Variants in CTNNA3 observed in about 807,000 individuals in gnomAD.
CTNNA3 encodes catenin alpha 3.
CTNNA3 carries 76 observed loss-of-function variants against 95.7 expected under a neutral mutation model. The observed-to-expected ratio is 0.79, with a 90% CI of 0.66 to 0.96. CTNNA3 has a LOEUF of 0.96. CTNNA3 is among the 40% of genes least tolerant of loss of function. CTNNA3 has a pLI of 0.00. For missense variants in CTNNA3, 1,191 were observed against 1,089.8 expected (o/e 1.09, Z -1.31); for synonymous variants, 431 against 374.4 (o/e 1.15, Z -1.74).
intron 7 of CTNNA3, among the ~76,000 whole-genome samples, chr10:66,878,461 C>G (rs1844713761): frequency 6.6e-6 from 1 of 152,108 alleles, no homozygotes; most frequent in Non-Finnish European, 1.5e-5. Flanking sequence ...GTATTCACAA[C>G]AAATTAAATT....
chr10:67,358,203 CTT>C (rs1167694930), intron 5 of CTNNA3, among the ~76,000 whole-genome samples: 1 of 152,012 alleles, frequency 6.6e-6, no homozygotes, highest in Non-Finnish European at 1.5e-5. Context: ...AGAAGAAAAT[CTT>C]AGTGATGTTG....
chr10:66,337,351 T>C (rs913346166), intron 12 of CTNNA3, among the ~76,000 whole-genome samples: 3 of 152,108 alleles, frequency 2.0e-5, no homozygotes, highest in Non-Finnish European at 4.4e-5. Context: ...TAAGTACAGA[T>C]ACACTTATTT....
chr10:66,307,593 T>C (rs1356342242), intron 12 of CTNNA3, among the ~76,000 whole-genome samples: 1 of 152,212 alleles, frequency 6.6e-6, no homozygotes, highest in African/African-American at 2.4e-5. Flanking sequence ...CTAGCTGTTT[T>C]TTTAAATTGA....
intron 7 of CTNNA3, among the ~76,000 whole-genome samples, chr10:66,817,921 C>T (rs1842151990): frequency 6.6e-6 from 1 of 151,746 alleles, no homozygotes; most frequent in Non-Finnish European, 1.5e-5. Flanking sequence ...TTTCCAGAAA[C>T]ACACAAAAAG....
intron 7 of CTNNA3, among the ~76,000 whole-genome samples, chr10:66,905,256 A>C (rs7918371): frequency 0.32 from 48,602 of 152,066 alleles, 9,123 homozygotes; most frequent in East Asian, 0.47. Context: ...CATTCTCAGC[A>C]AACTATCACA....
chr10:67,068,058 G>A (rs1330452712), intron 7 of CTNNA3, among the ~76,000 whole-genome samples: 1 of 152,128 alleles, frequency 6.6e-6, no homozygotes, highest in Non-Finnish European at 1.5e-5. Flanking sequence ...ATAAATGCCG[G>A]GTTCATTGTG....
chr10:65,931,324 T>C (rs1427235423), intron 17 of CTNNA3, among the ~76,000 whole-genome samples: 1 of 152,220 alleles, frequency 6.6e-6, no homozygotes, highest in Non-Finnish European at 1.5e-5. Flanking sequence ...GGCACTGCCA[T>C]AGCGCCTTGC....
chr10:67,609,182 A>T (rs1843378106), intron 2 of CTNNA3, among the ~76,000 whole-genome samples: 1 of 152,056 alleles, frequency 6.6e-6, no homozygotes, highest in African/African-American at 2.4e-5. Context: ...ACAAAGCTTT[A>T]AAATCACCAT....
chr10:66,182,921 G>A (rs901160133), intron 13 of CTNNA3, among the ~76,000 whole-genome samples: 2 of 152,114 alleles, frequency 1.3e-5, no homozygotes, highest in Non-Finnish European at 2.9e-5. Context: ...TTAAATGTGC[G>A]TTTTCTTTAA....
At chr10:66,960,756 A>C (rs1030266256) in intron 7 of CTNNA3, among the ~76,000 whole-genome samples, 3 of 152,176 alleles carry the variant, frequency 2.0e-5, no homozygotes, top group African/African-American at 7.2e-5. Context: ...ATGGCATAGG[A>C]TCTATGGTGG....
chr10:66,651,322 T>C (rs973666979), intron 9 of CTNNA3, among the ~76,000 whole-genome samples: 1 of 152,126 alleles, frequency 6.6e-6, no homozygotes, highest in Admixed American at 6.5e-5. Flanking sequence ...AGAGTGCTGA[T>C]TGGGTGCATA....
At chr10:66,893,268 A>C (rs183960990) in intron 7 of CTNNA3, among the ~76,000 whole-genome samples, 28 of 152,236 alleles carry the variant, frequency 1.8e-4, no homozygotes, top group Non-Finnish European at 7.4e-5. Flanking sequence ...AAGATGCCCT[A>C]TACCTTTTCA....
intron 5 of CTNNA3, among the ~76,000 whole-genome samples, chr10:67,285,111 G>A (rs972318008): frequency 4.6e-5 from 7 of 152,106 alleles, no homozygotes; most frequent in African/African-American, 1.2e-4. Context: ...GAAAGTACAC[G>A]TTATTAAACT....
chr10:66,666,546 G>C (rs557243448), intron 9 of CTNNA3, among the ~76,000 whole-genome samples: 113 of 151,690 alleles, frequency 7.4e-4, no homozygotes, highest in African/African-American at 2.5e-3. Flanking sequence ...CACCTTTTTT[G>C]CATTTTCCCC....
chr10:67,008,462 G>GTT (rs537763032), intron 7 of CTNNA3, among the ~76,000 whole-genome samples: 102 of 151,926 alleles, frequency 6.7e-4, no homozygotes, highest in African/African-American at 2.4e-3. Context: ...CAGCTTTTTT[G>GTT]TTTGTTTTGT....
At chr10:66,542,488 C>T (rs10997226) in intron 10 of CTNNA3, among the ~76,000 whole-genome samples, 6,654 of 152,084 alleles carry the variant, frequency 0.044, 458 homozygotes, top group East Asian at 0.32. Flanking sequence ...TGGAACCAAC[C>T]CAAATGTCCA....
chr10:65,913,093 A>T lies in CTNNA3; in HGVS notation c.*7237T>A, dbSNP rs908934939. The T allele has an allele frequency of 1.3e-5, 2 of 152,174 alleles. No individual in the cohort carries two copies. The highest frequency in any genetic ancestry group is 4.8e-5 in the African/African-American group (2 of 41,442). 9.4% of individuals were successfully genotyped at this position (152,174 alleles called of 1,614,324 possible). Reference sequence around the variant, plus strand: ...ATTATGAATTGGTTACTTTTATTTCATCTCAGAAAGTCTTAGTTTAAATCT... The same window carrying T: ...ATTATGAATTGGTTACTTTTATTTCTTCTCAGAAAGTCTTAGTTTAAATCT... On this transcript the variant is annotated 3_prime_UTR_variant, in exon 18 of 18. Transcript: ENST00000433211.
intron 13 of CTNNA3, among the ~76,000 whole-genome samples, chr10:66,256,329 A>G (rs1004778195): frequency 2.0e-5 from 3 of 152,180 alleles, no homozygotes; most frequent in Non-Finnish European, 4.4e-5. Context: ...ACGTCAGACA[A>G]AAACTCCAAA....
intron 5 of CTNNA3, among the ~76,000 whole-genome samples, chr10:67,220,196 A>G (rs1379756098): frequency 6.6e-6 from 1 of 152,246 alleles, no homozygotes; most frequent in African/African-American, 2.4e-5. Context: ...TAAGTGCATT[A>G]CATGGGAGCT....
Sources: gnomAD v4.1 joint callset for allele counts (sites outside exome capture counted in the v4.1 genomes callset) on GRCh38, gnomAD v4.1.1 for gene constraint, MANE v1.5 for transcripts, NCBI Gene and HGNC (gene_info 2026-07-23, HGNC 2026-07-21) for gene names.